ROBO2: variants seen among roughly 807,000 people sequenced by gnomAD.
ROBO2 encodes roundabout guidance receptor 2, also known as roundabout homolog 2.
ROBO2 carries 53 observed loss-of-function variants against 160.8 expected under a neutral mutation model. The observed-to-expected ratio is 0.33, with a 90% CI of 0.26 to 0.41. The LOEUF is 0.41. Ranked by LOEUF, ROBO2 falls within the 10% of genes least tolerant of loss-of-function variation. ROBO2 has a pLI of 1.00. For synonymous variants in ROBO2, 664 were observed against 611.7 expected (o/e 1.09, Z -1.26); for missense variants, 1,577 against 1,722.4 (o/e 0.92, Z 1.49).
At position 76,335,473 on chromosome 3, in the gene ROBO2, C is replaced by T. The variant is rs191141219; in HGVS notation, c.109+397871C>T. Among the ~76,000 whole-genome samples the T allele has an allele frequency of 3.4e-3, 511 of 152,178 alleles. 6 individuals are homozygous for T. Among genetic ancestry groups the T allele is most frequent in the Admixed American group, 0.024 (370 of 15,288 alleles). On this transcript the variant is annotated intron_variant, in intron 2 of 26. Transcript: ENST00000487694. Reference sequence around the variant, plus strand: ...CTGGGATTACAGGAGTGAGCCACCACACCCAGCCTTCTGTGTATTTTTATA... The same window carrying T: ...CTGGGATTACAGGAGTGAGCCACCATACCCAGCCTTCTGTGTATTTTTATA...
chr3:76,302,881 A>G (rs1709433872), intron 2 of ROBO2, among the ~76,000 whole-genome samples: 1 of 152,144 alleles, frequency 6.6e-6, no homozygotes, highest in Non-Finnish European at 1.5e-5. Flanking sequence ...CTGTAACACT[A>G]TAATTTAGTG....
At chr3:77,010,640 A>C (rs1221802504) in intron 2 of ROBO2, among the ~76,000 whole-genome samples, 2 of 151,996 alleles carry the variant, frequency 1.3e-5, no homozygotes, top group African/African-American at 4.8e-5. Context: ...TCTTCCTCAG[A>C]TGCCTTTCTT....
At chr3:76,185,366 T>A (rs1241041228) in intron 2 of ROBO2, among the ~76,000 whole-genome samples, 1 of 151,764 alleles carries the variant, frequency 6.6e-6, no homozygotes, top group Non-Finnish European at 1.5e-5. Context: ...CAAAATTAAA[T>A]ATATTTTCAC....
chr3:77,317,375 G>A, intron 2 of ROBO2: 1 of 1,000,346 alleles, frequency 1.0e-6, no homozygotes, highest in East Asian at 2.4e-5. Flanking sequence ...CTAGTGTATT[G>A]TCGGGGTTCC....
chr3:76,910,523 C>A (rs748669388), intron 2 of ROBO2, among the ~76,000 whole-genome samples: 1 of 151,670 alleles, frequency 6.6e-6, no homozygotes, highest in Non-Finnish European at 1.5e-5. Context: ...GTCAAAAGAT[C>A]AAGACCATCC....
At chr3:76,281,379 GTGATTT>G (rs999664896) in intron 2 of ROBO2, among the ~76,000 whole-genome samples, 2 of 151,940 alleles carry the variant, frequency 1.3e-5, no homozygotes, top group African/African-American at 4.8e-5. Flanking sequence ...TTTAACAGCT[GTGATTT>G]TGATTTTGAT....
At chr3:76,156,082 A>AT (rs373423031) in intron 2 of ROBO2, among the ~76,000 whole-genome samples, 6,757 of 149,286 alleles carry the variant, frequency 0.045, 312 homozygotes, top group African/African-American at 0.12. Flanking sequence ...ATTTTTGACA[A>AT]TTTTTTTTTT....
intron 2 of ROBO2, among the ~76,000 whole-genome samples, chr3:77,118,826 C>T (rs1021428061): frequency 2.0e-5 from 3 of 152,214 alleles, no homozygotes; most frequent in Non-Finnish European, 4.4e-5. Flanking sequence ...ACCTAGATGG[C>T]ATAGTCTACT....
At chr3:75,956,657 T>C (rs1948731930) in intron 2 of ROBO2, among the ~76,000 whole-genome samples, 1 of 151,732 alleles carries the variant, frequency 6.6e-6, no homozygotes, top group African/African-American at 2.4e-5. Flanking sequence ...GTTGTTAATA[T>C]TGCTGGTATT....
intron 2 of ROBO2, among the ~76,000 whole-genome samples, chr3:77,234,937 G>A (rs2087738764): frequency 6.6e-6 from 1 of 152,054 alleles, no homozygotes; most frequent in Non-Finnish European, 1.5e-5. Context: ...AATTCCAAGG[G>A]TTTTGATGAT....
chr3:76,323,613 G>T (rs1020264710), intron 2 of ROBO2, among the ~76,000 whole-genome samples: 1 of 152,094 alleles, frequency 6.6e-6, no homozygotes, highest in Admixed American at 6.6e-5. Context: ...ATCGTTTCCA[G>T]ATCACATATA....
chr3:77,398,525 T>C (rs2075497963), intron 2 of ROBO2, among the ~76,000 whole-genome samples: 1 of 152,086 alleles, frequency 6.6e-6, no homozygotes, highest in African/African-American at 2.4e-5. Context: ...TAAAGGGCTT[T>C]CTCTTGCTCA....
chr3:76,959,218 T>A (rs923735169), intron 2 of ROBO2, among the ~76,000 whole-genome samples: 1 of 152,162 alleles, frequency 6.6e-6, no homozygotes, highest in African/African-American at 2.4e-5. Flanking sequence ...AAGCATTATG[T>A]CAACATCAAA....
intron 2 of ROBO2, among the ~76,000 whole-genome samples, chr3:76,143,533 G>C (rs145024957): frequency 1.2e-3 from 177 of 152,130 alleles, no homozygotes; most frequent in African/African-American, 4.1e-3. Context: ...ATCATGCCAT[G>C]AACTAGCAAT....
At position 76,654,633 on chromosome 3, in the gene ROBO2, A is replaced by G. The variant is rs371840558; in HGVS notation, c.110-443381A>G. Among the ~76,000 whole-genome samples the G allele has an allele frequency of 3.9e-5, 6 of 152,156 alleles. No individual in the cohort carries two copies. In the East Asian group the frequency reaches 7.8e-4, roughly 20 times the overall value. Reference sequence around the variant, plus strand: ...GCATGCTGGGGTAATAGGGACTTTCAAGGGTGACAAGATCTGTGCTCACTT... The same window carrying G: ...GCATGCTGGGGTAATAGGGACTTTCGAGGGTGACAAGATCTGTGCTCACTT... On this transcript the variant is annotated intron_variant, in intron 2 of 26. Transcript: ENST00000487694.
intron 2 of ROBO2, among the ~76,000 whole-genome samples, chr3:77,022,485 C>T (rs1448271156): frequency 6.6e-6 from 1 of 152,202 alleles, no homozygotes; most frequent in Non-Finnish European, 1.5e-5. Context: ...GCTTTCCCCA[C>T]CTCAGTTTAT....
At chr3:76,294,251 G>A (rs1295302703) in intron 2 of ROBO2, among the ~76,000 whole-genome samples, 2 of 152,122 alleles carry the variant, frequency 1.3e-5, no homozygotes, top group East Asian at 1.9e-4. Flanking sequence ...CTGCAGCTGT[G>A]GCTGGGCAGC....
At chr3:77,553,724 C>A (rs1043811732) in intron 8 of ROBO2, among the ~76,000 whole-genome samples, 2 of 151,896 alleles carry the variant, frequency 1.3e-5, no homozygotes, top group African/African-American at 4.8e-5. Context: ...TAATCCAGAG[C>A]AAGGCCCTAA....
intron 2 of ROBO2, among the ~76,000 whole-genome samples, chr3:76,824,788 C>A (rs2109201020): frequency 6.6e-6 from 1 of 152,258 alleles, no homozygotes; most frequent in South Asian, 2.1e-4. Flanking sequence ...AAGGAAGAAA[C>A]CAACCCGGAA....
Sources: allele counts gnomAD v4.1 joint callset (sites outside exome capture counted in the v4.1 genomes callset), GRCh38; gene constraint gnomAD v4.1.1; transcripts MANE v1.5; gene names NCBI Gene and HGNC (gene_info 2026-07-23, HGNC 2026-07-21).